COL25A1: variants seen among roughly 807,000 people sequenced by gnomAD.
The protein encoded by COL25A1 is collagen type XXV alpha 1 chain.
A neutral mutation model predicts 128.4 loss-of-function variants in COL25A1; 103 were observed. The observed-to-expected ratio is 0.80, with a 90% CI of 0.68 to 0.94. COL25A1 has a LOEUF of 0.94. Ranked by LOEUF, COL25A1 falls within the 40% of genes least tolerant of loss-of-function variation. The probability of loss-of-function intolerance (pLI) is 0.00; values close to 1 mark genes in which losing one functional copy is unlikely to be tolerated. For synonymous variants in COL25A1, 279 were observed against 277.2 expected (o/e 1.01, Z -0.06); for missense variants, 745 against 840.0 (o/e 0.89, Z 1.40).
intron 3 of COL25A1, among the ~76,000 whole-genome samples, chr4:109,281,409 C>CAAAA (rs59962160): frequency 6.7e-4 from 69 of 102,260 alleles, no homozygotes; most frequent in African/African-American, 1.9e-3. Context: ...CTTAAAATGG[C>CAAAA]AAAAAAAAAA....
intron 3 of COL25A1, among the ~76,000 whole-genome samples, chr4:109,246,691 TC>T (rs1780289037): frequency 6.6e-6 from 1 of 152,170 alleles, no homozygotes; most frequent in Admixed American, 6.5e-5. Flanking sequence ...ATCATTTTTT[TC>T]CTGTATATGA....
At chr4:109,281,963 T>C (rs1330968763) in intron 3 of COL25A1, among the ~76,000 whole-genome samples, 1 of 152,196 alleles carries the variant, frequency 6.6e-6, no homozygotes, top group Non-Finnish European at 1.5e-5. Context: ...GAGTGCTCTT[T>C]CTAAGTCACA....
chr4:108,810,192 A>T lies in COL25A1; in HGVS notation c.*3735T>A, dbSNP rs76254884. 1 of 141,890 alleles carries T rather than the reference A, an allele frequency of 7.0e-6. No homozygotes were observed. The highest frequency in any genetic ancestry group is 2.2e-4 in the East Asian group (1 of 4,632). 8.8% of individuals were successfully genotyped at this position (141,890 alleles called of 1,614,324 possible). A position where few individuals can be genotyped will look rare whatever the true frequency, so the allele number is the denominator to read the frequency against. On this transcript the variant is annotated 3_prime_UTR_variant, in exon 38 of 38. Coordinates refer to ENST00000399132, the MANE Select transcript of COL25A1 (RefSeq NM_198721.4). ...CTTTTCATGCTTCAATAGTAACATT[A>T]AAAAAAAAAACCCTTGGAAATTAAG...
chr4:108,955,371 C>T (rs1368520144), intron 8 of COL25A1, among the ~76,000 whole-genome samples: 4 of 151,762 alleles, frequency 2.6e-5, no homozygotes, highest in African/African-American at 4.8e-5. Context: ...TGGCACAAAA[C>T]GAATTTGACT....
At chr4:109,045,547 T>G (rs1043071696) in intron 5 of COL25A1, among the ~76,000 whole-genome samples, 3 of 152,172 alleles carry the variant, frequency 2.0e-5, no homozygotes, top group African/African-American at 7.2e-5. Flanking sequence ...CAAAATTTGA[T>G]GGAAGGCAGA....
intron 6 of COL25A1, among the ~76,000 whole-genome samples, chr4:108,977,820 CTCA>C (rs1218666327): frequency 6.6e-6 from 1 of 152,174 alleles, no homozygotes; most frequent in Non-Finnish European, 1.5e-5. Context: ...CTCTACAAAA[CTCA>C]GCTACATCAA....
chr4:109,146,094 A>G (rs929636034), intron 3 of COL25A1, among the ~76,000 whole-genome samples: 5 of 152,204 alleles, frequency 3.3e-5, no homozygotes, highest in Admixed American at 2.0e-4. Flanking sequence ...ATTTTGAAAT[A>G]CTAGTATCAA....
At chr4:109,021,917 C>T (rs920157801) in intron 5 of COL25A1, 38 of 357,016 alleles carry the variant, frequency 1.1e-4, no homozygotes, top group Non-Finnish European at 2.0e-4. Context: ...GAGGTGAGAC[C>T]GGTTCTCTGC....
chr4:109,301,050 G>T (rs1725469502), intron 2 of COL25A1, among the ~76,000 whole-genome samples: 1 of 152,072 alleles, frequency 6.6e-6, no homozygotes, highest in Non-Finnish European at 1.5e-5. Context: ...TGCAACTACT[G>T]CCAAATAGGC....
chr4:108,873,568 T>A (rs4989258), intron 19 of COL25A1, among the ~76,000 whole-genome samples: 1 of 144,932 alleles, frequency 6.9e-6, no homozygotes, highest in African/African-American at 2.6e-5. Flanking sequence ...GTAGCAGCAG[T>A]AGCAGCAGTA....
At position 108,874,876 on chromosome 4, in the gene COL25A1, G is replaced by A. The variant is rs554386206; in HGVS notation, c.1021-5726C>T. On this transcript the variant is annotated intron_variant, in intron 19 of 37. Coordinates refer to ENST00000399132, the MANE Select transcript of COL25A1 (RefSeq NM_198721.4). ...AATTATTTCAGAGTTACTTTAATCC[G>A]TTTTTTTTCCCCTCAGGTATTATAC... is the stretch of plus-strand genomic sequence containing the variant. 3.6e-4 allele frequency among the ~76,000 whole-genome samples: 55 copies of A among 151,960 alleles called. No individual in the cohort carries two copies. The South Asian group carries it at 6.9e-3, about 19-fold the overall frequency.
At chr4:108,984,445 C>T (rs1050956751) in intron 6 of COL25A1, among the ~76,000 whole-genome samples, 12 of 152,094 alleles carry the variant, frequency 7.9e-5, no homozygotes, top group Admixed American at 3.9e-4. Context: ...GCGGGGGCGG[C>T]GCTCATTGGG....
At chr4:109,219,017 T>A (rs1053892051) in intron 3 of COL25A1, among the ~76,000 whole-genome samples, 1 of 152,116 alleles carries the variant, frequency 6.6e-6, no homozygotes, top group Non-Finnish European at 1.5e-5. Context: ...GAGAATCTGA[T>A]CAGCCACCTT....
At chr4:109,097,489 T>C (rs1256497232) in intron 3 of COL25A1, among the ~76,000 whole-genome samples, 2 of 149,304 alleles carry the variant, frequency 1.3e-5, no homozygotes, top group Non-Finnish European at 3.0e-5. Context: ...CACACGCACC[T>C]GTAGTCCCAG....
At chr4:108,979,160 C>T (rs1752714164) in intron 6 of COL25A1, among the ~76,000 whole-genome samples, 1 of 152,296 alleles carries the variant, frequency 6.6e-6, no homozygotes, top group South Asian at 2.1e-4. Context: ...GCTTTACATT[C>T]AGAGTTTGCA....
intron 3 of COL25A1, among the ~76,000 whole-genome samples, chr4:109,154,427 C>A (rs1289124210): frequency 6.6e-6 from 1 of 152,186 alleles, no homozygotes; most frequent in South Asian, 2.1e-4. Context: ...TTCTCACACA[C>A]AAACACACAC....
chr4:109,120,815 GA>G (rs901940232), intron 3 of COL25A1, among the ~76,000 whole-genome samples: 2,352 of 93,140 alleles, frequency 0.025, 55 homozygotes, highest in African/African-American at 0.12. Context: ...CTCAACAAAA[GA>G]AAAAAAAAAA....
At chr4:109,231,356 T>A (rs1329786359) in intron 3 of COL25A1, among the ~76,000 whole-genome samples, 1 of 152,196 alleles carries the variant, frequency 6.6e-6, no homozygotes, top group Non-Finnish European at 1.5e-5. Flanking sequence ...TTCTACCATG[T>A]AGAATTTCTA....
intron 6 of COL25A1, among the ~76,000 whole-genome samples, chr4:108,995,118 T>A (rs1463256416): frequency 1.3e-5 from 2 of 152,192 alleles, no homozygotes; most frequent in South Asian, 2.1e-4. Context: ...GAGAATGAGT[T>A]TGACGAGTTA....
Sources: gnomAD v4.1 joint callset for allele counts (sites outside exome capture counted in the v4.1 genomes callset) on GRCh38, gnomAD v4.1.1 for gene constraint, MANE v1.5 for transcripts, NCBI Gene and HGNC (gene_info 2026-07-23, HGNC 2026-07-21) for gene names.